The following AKR1C3 variants were observed in gnomAD, a reference collection of about 807,000 sequenced individuals.
AKR1C3 encodes 3-alpha hydroxysteroid dehydrogenase, type II.
In AKR1C3, 48 loss-of-function variants were observed where a neutral mutation model predicts 43.6. The observed-to-expected ratio is 1.10, with a 90% CI of 0.87 to 1.40. The LOEUF (loss-of-function observed/expected upper bound fraction) is 1.40, where lower values mean the gene tolerates loss of function less well. Ranked by LOEUF, AKR1C3 falls within the 40% of genes most tolerant of loss-of-function variation. The pLI, the probability that AKR1C3 is intolerant of heterozygous loss-of-function variation, is 0.00. For missense variants in AKR1C3, 482 were observed against 391.2 expected (o/e 1.23, Z -1.96); for synonymous variants, 162 against 139.6 (o/e 1.16, Z -1.13).
At chr10:5,094,210 T>C (rs1166955504), upstream of AKR1C3, 2 of 302,390 alleles carry the variant, frequency 6.6e-6, no homozygotes, top group East Asian at 8.2e-5. Flanking sequence ...ATGAGTTTAT[T>C]ATAACCATAT....
intron 1 of AKR1C3, among the ~76,000 whole-genome samples, chr10:5,079,108 TG>T (rs1838776718): frequency 6.6e-6 from 1 of 152,222 alleles, no homozygotes. Context: ...GTTTTACTTT[TG>T]TGCCAGGTGG....
intron 1 of AKR1C3, among the ~76,000 whole-genome samples, chr10:5,063,086 G>T (rs1416892688): frequency 6.6e-6 from 1 of 152,166 alleles, no homozygotes; most frequent in Non-Finnish European, 1.5e-5. Context: ...TAGTCAATGT[G>T]AATAGGTGGC....
intron 1 of AKR1C3, among the ~76,000 whole-genome samples, chr10:5,065,151 T>C (rs1838473076): frequency 1.3e-5 from 2 of 152,204 alleles, no homozygotes; most frequent in Non-Finnish European, 1.5e-5. Context: ...AGAACACTTA[T>C]ACACTGCTGG....
At chr10:5,049,005 A>C in intron 1 of AKR1C3, 1 of 827,116 alleles carries the variant, frequency 1.2e-6, no homozygotes, top group Non-Finnish European at 2.0e-6. Context: ...CATGACTCCA[A>C]CCTGAGTTTC....
chr10:5,094,392 A>C, upstream of AKR1C3: 1 of 1,604,950 alleles, frequency 6.2e-7, no homozygotes, highest in Non-Finnish European at 8.5e-7. Context: ...TGTTTTTGTA[A>C]TCTCTGAGGA....
At chr10:5,103,025 G>A (rs1439523431) in intron 7 of AKR1C3, among the ~76,000 whole-genome samples, 1 of 150,906 alleles carries the variant, frequency 6.6e-6, no homozygotes, top group Non-Finnish European at 1.5e-5. Context: ...GAGTAGCTGG[G>A]ATTACAGGTG....
intron 5 of AKR1C3, among the ~76,000 whole-genome samples, chr10:5,101,762 A>C (rs1554786038): frequency 6.6e-6 from 1 of 152,138 alleles, no homozygotes; most frequent in Admixed American, 6.6e-5. Flanking sequence ...TCCTTGACCA[A>C]ATTCTTGCTT....
intron 1 of AKR1C3, among the ~76,000 whole-genome samples, chr10:5,051,755 C>A (rs1014751963): frequency 1.1e-4 from 17 of 152,176 alleles, no homozygotes; most frequent in Non-Finnish European, 2.4e-4. Context: ...AGTGATTAGA[C>A]ATACCGCCTT....
intron 1 of AKR1C3, among the ~76,000 whole-genome samples, chr10:5,050,551 TAAC>T (rs200993898): frequency 0.04 from 6,043 of 152,264 alleles, 407 homozygotes; most frequent in African/African-American, 0.14. Context: ...GTGAAAAACA[TAAC>T]AACAATGGCA....
upstream of AKR1C3, chr10:5,094,323 A>T: frequency 8.5e-7 from 1 of 1,182,198 alleles, no homozygotes. Context: ...CTCCTCCTAC[A>T]TGCCATTGGT....
chr10:5,105,393 T>C, intron 7 of AKR1C3: 1 of 463,354 alleles, frequency 2.2e-6, no homozygotes, highest in South Asian at 3.3e-5. Flanking sequence ...TTGCACAGTT[T>C]CAATACATAA....
upstream of AKR1C3, among the ~76,000 whole-genome samples, chr10:5,091,628 C>G (rs1564366275): frequency 6.6e-6 from 1 of 152,012 alleles, no homozygotes. Context: ...GGATTATATA[C>G]AGCACCCTAT....
In AKR1C3 at chr10:5,056,369, AG is replaced by A. The variant is rs1838263503; in HGVS notation, c.84+7477del. Among the ~76,000 whole-genome samples the A allele has an allele frequency of 2.0e-5, 3 of 152,306 alleles. No individual in the cohort carries two copies. The South Asian group carries it at 6.2e-4, about 32-fold the overall frequency. ...TGCTTCCTCTAGTATTTGAGAGAGC[AG>A]GGTATAGGGATTGGGTACAACTGGA... On this transcript the variant is annotated intron_variant, in intron 1 of 8. Coordinates refer to the AKR1C3 transcript ENST00000439082.
chr10:5,075,373 C>A (rs548915917), intron 1 of AKR1C3, among the ~76,000 whole-genome samples: 1 of 152,160 alleles, frequency 6.6e-6, no homozygotes, highest in African/African-American at 2.4e-5. Flanking sequence ...AGCATGATCG[C>A]TCTCCCACAG....
rs138490770 is a variant in AKR1C3 at position 5,098,766 on chromosome 10, T to C, written c.370-36T>C. On this transcript the variant is annotated intron_variant, in intron 3 of 8. Coordinates refer to ENST00000380554, the MANE Select transcript of AKR1C3 (RefSeq NM_003739.6). ...TTACAGCTATGAGTGGAGAAATTAA[T>C]TTGTGACATCATTAAAATGACTGCT... The C allele has an allele frequency of 9.2e-5, 146 of 1,580,602 alleles. 1 individual carries two copies. The Middle Eastern group carries it at 2.3e-3, about 25-fold the overall frequency.
At chr10:5,099,581 CAAGAAAGGCGTGAAGA>C in intron 5 of AKR1C3, 132 bp downstream of exon 5, 1 of 1,474,522 alleles carries the variant, frequency 6.8e-7, no homozygotes, top group East Asian at 2.3e-5. Flanking sequence ...AAGCTTCTGT[CAAGAAAGGCGTGAAGA>C]TTTCTTGTTT....
upstream of AKR1C3, among the ~76,000 whole-genome samples, chr10:5,092,532 C>G (rs1416471384): frequency 1.3e-5 from 2 of 149,494 alleles, no homozygotes; most frequent in African/African-American, 4.9e-5. Flanking sequence ...TATCTTATCC[C>G]TAAACATGTA....
At chr10:5,074,630 A>T (rs1362922052) in intron 1 of AKR1C3, among the ~76,000 whole-genome samples, 1 of 152,198 alleles carries the variant, frequency 6.6e-6, no homozygotes, top group Non-Finnish European at 1.5e-5. Context: ...TGGTACCCGA[A>T]ACTCTTTTAG....
At chr10:5,066,945 C>G (rs1213493806) in intron 1 of AKR1C3, among the ~76,000 whole-genome samples, 1 of 152,192 alleles carries the variant, frequency 6.6e-6, no homozygotes, top group Non-Finnish European at 1.5e-5. Context: ...ATGGAAAAAG[C>G]ACTTAACAAA....
Sources: gnomAD v4.1 joint callset for allele counts (sites outside exome capture counted in the v4.1 genomes callset) on GRCh38, gnomAD v4.1.1 for gene constraint, MANE v1.5 for transcripts, NCBI Gene and HGNC (gene_info 2026-07-23, HGNC 2026-07-21) for gene names.